The following APBB2 variants were observed in gnomAD, a reference collection of about 807,000 sequenced individuals.
APBB2 encodes amyloid beta precursor protein binding family B member 2.
A neutral mutation model predicts 82.5 loss-of-function variants in APBB2; 38 were observed. The observed-to-expected ratio is 0.46, with a 90% confidence interval of 0.36 to 0.60. APBB2 has a LOEUF of 0.60. Among genes scored for constraint, APBB2 ranks in the 20% least tolerant of loss-of-function variants. APBB2 has a pLI of 0.00. For missense variants in APBB2, 772 were observed against 972.3 expected (o/e 0.79, Z 2.74); for synonymous variants, 341 against 368.2 (o/e 0.93, Z 0.85).
intron 2 of APBB2, among the ~76,000 whole-genome samples, chr4:41,128,726 T>A (rs1273011241): frequency 6.6e-6 from 1 of 152,174 alleles, no homozygotes; most frequent in East Asian, 1.9e-4. Context: ...GACATTCTGG[T>A]AAGGTACACA....
chr4:40,846,608 C>T lies in APBB2; in HGVS notation c.1530-16031G>A, dbSNP rs532487325. ...GAACAACCGTCTCTGACCAAGTGTG[C>T]CTTCCTTTCCAAAGCAAGCTCCCCT... On this transcript the variant is annotated intron_variant, in intron 12 of 17. Transcript: ENST00000508593. 2.6e-5 allele frequency among the ~76,000 whole-genome samples: 4 copies of T among 152,316 alleles called. No individual in the cohort carries two copies. In the South Asian group the frequency reaches 6.2e-4, roughly 24 times the overall value.
chr4:40,852,871 C>A (rs1759925730), intron 12 of APBB2, among the ~76,000 whole-genome samples: 1 of 152,130 alleles, frequency 6.6e-6, no homozygotes, highest in Non-Finnish European at 1.5e-5. Context: ...AAACTCCTAG[C>A]CTCAAGTGAT....
chr4:41,131,360 G>A (rs1246133270), intron 2 of APBB2, among the ~76,000 whole-genome samples: 1 of 152,176 alleles, frequency 6.6e-6, no homozygotes, highest in Admixed American at 6.5e-5. Flanking sequence ...AAGTGAGTAT[G>A]TACTGAAGAT....
intron 1 of APBB2, among the ~76,000 whole-genome samples, chr4:41,181,813 C>A (rs1397942424): frequency 6.6e-6 from 1 of 151,656 alleles, no homozygotes; most frequent in Non-Finnish European, 1.5e-5. Flanking sequence ...GGCATGGTGG[C>A]AACATGCCTG....
intron 6 of APBB2, among the ~76,000 whole-genome samples, chr4:41,007,860 G>C (rs577730938): frequency 2.6e-5 from 4 of 152,268 alleles, no homozygotes; most frequent in Non-Finnish European, 4.4e-5. Context: ...CTTTCATGGA[G>C]CTCTAAGTCT....
intron 4 of APBB2, among the ~76,000 whole-genome samples, chr4:41,043,841 C>T (rs1333081325): frequency 6.6e-6 from 1 of 152,112 alleles, no homozygotes; most frequent in Admixed American, 6.5e-5. Context: ...TTCCTTACAA[C>T]TTATTTGTTG....
intron 6 of APBB2, among the ~76,000 whole-genome samples, chr4:40,947,691 C>T (rs570591810): frequency 3.1e-4 from 47 of 152,330 alleles, no homozygotes; most frequent in Non-Finnish European, 5.1e-4. Flanking sequence ...GGCACACCTA[C>T]GGTATTATTA....
intron 6 of APBB2, among the ~76,000 whole-genome samples, chr4:40,946,059 C>T (rs1295249310): frequency 6.6e-6 from 1 of 151,972 alleles, no homozygotes; most frequent in African/African-American, 2.4e-5. Context: ...GTGGTGAAAG[C>T]CTGTCTCTAC....
intron 10 of APBB2, among the ~76,000 whole-genome samples, chr4:40,906,337 T>C (rs1174249060): frequency 6.6e-6 from 1 of 151,408 alleles, no homozygotes; most frequent in African/African-American, 2.4e-5. Context: ...ACGCCTGTAG[T>C]CCCAGCTACT....
At chr4:41,192,241 G>C (rs1774655306) in intron 1 of APBB2, among the ~76,000 whole-genome samples, 1 of 152,134 alleles carries the variant, frequency 6.6e-6, no homozygotes, top group African/African-American at 2.4e-5. Flanking sequence ...GGTTACCAAA[G>C]AAACTCAAAA....
chr4:41,062,111 T>C (rs1324816269), intron 4 of APBB2, among the ~76,000 whole-genome samples: 2 of 152,238 alleles, frequency 1.3e-5, no homozygotes, highest in East Asian at 1.9e-4. Context: ...CTTTCTGCTA[T>C]GAGTAGCCTC....
chr4:41,123,623 G>T (rs1049798749), intron 2 of APBB2, among the ~76,000 whole-genome samples: 21 of 152,184 alleles, frequency 1.4e-4, no homozygotes, highest in Non-Finnish European at 1.5e-5. Flanking sequence ...AGGAGTTTGT[G>T]ACCAGCCTGG....
intron 7 of APBB2, among the ~76,000 whole-genome samples, chr4:40,942,967 C>G (rs1017867699): frequency 2.0e-5 from 3 of 152,212 alleles, no homozygotes; most frequent in African/African-American, 7.2e-5. Flanking sequence ...CACACACCCC[C>G]GCCTGGGCCT....
intron 12 of APBB2, among the ~76,000 whole-genome samples, chr4:40,878,121 C>T (rs1179649670): frequency 6.7e-6 from 1 of 149,380 alleles, no homozygotes; most frequent in Non-Finnish European, 1.5e-5. Context: ...CTGAGGAAGG[C>T]GGATCACTTG....
intron 4 of APBB2, among the ~76,000 whole-genome samples, chr4:41,039,034 CA>C (rs1720349515): frequency 6.6e-6 from 1 of 152,088 alleles, no homozygotes. Flanking sequence ...TGGAATATTC[CA>C]AAAAATGTTA....
At chr4:40,979,435 G>A (rs1163866962) in intron 6 of APBB2, among the ~76,000 whole-genome samples, 1 of 151,944 alleles carries the variant, frequency 6.6e-6, no homozygotes, top group South Asian at 2.1e-4. Context: ...GGGATTTTAC[G>A]TATTTATTTA....
Position 41,008,985 on chromosome 4 carries a change from C to A in APBB2, c.835+4598G>T, listed in dbSNP as rs564550451. On this transcript the variant is annotated intron_variant, in intron 6 of 17. Transcript: ENST00000508593. ...GAAACAGTTACTACACAAGATCCAT[C>A]TAGTTTCATACTCTGTGTCTTCAAT... 2.0e-4 allele frequency among the ~76,000 whole-genome samples: 31 copies of A among 152,350 alleles called. 1 individual carries two copies. In the South Asian group the frequency reaches 3.3e-3, roughly 16 times the overall value.
intron 6 of APBB2, among the ~76,000 whole-genome samples, chr4:40,960,390 A>C (rs552442048): frequency 4.6e-5 from 7 of 152,152 alleles, no homozygotes; most frequent in African/African-American, 1.7e-4. Flanking sequence ...ACTGGTCAAA[A>C]AATTTACAAA....
intron 2 of APBB2, among the ~76,000 whole-genome samples, chr4:41,107,684 A>G (rs1360233201): frequency 6.6e-6 from 1 of 152,218 alleles, no homozygotes; most frequent in East Asian, 1.9e-4. Flanking sequence ...ACAATGGAAC[A>G]GTAGGTATCG....
Sources: gnomAD v4.1 joint callset for allele counts (sites outside exome capture counted in the v4.1 genomes callset) on GRCh38, gnomAD v4.1.1 for gene constraint, MANE v1.5 for transcripts, NCBI Gene and HGNC (gene_info 2026-07-23, HGNC 2026-07-21) for gene names.